Variants in DOCK8 observed in about 807,000 individuals in gnomAD.
The protein encoded by DOCK8 is dedicator of cytokinesis protein 8.
In DOCK8, 141 loss-of-function variants were observed where a neutral mutation model predicts 245.6. The ratio of observed to expected loss-of-function variants is 0.57; its 90% CI spans 0.50 to 0.66. The LOEUF is 0.66. DOCK8 is among the 30% of genes least tolerant of loss of function. The probability of loss-of-function intolerance (pLI) is 0.00; values close to 1 mark genes in which losing one functional copy is unlikely to be tolerated. For missense variants in DOCK8, 2,965 were observed against 2,603.4 expected (o/e 1.14, Z -3.02); for synonymous variants, 1,168 against 970.2 (o/e 1.20, Z -3.79).
chr9:328,323 A>G (rs2130827730), intron 9 of DOCK8, 152 bp downstream of exon 9: 3 of 1,115,400 alleles, frequency 2.7e-6, no homozygotes, highest in Non-Finnish European at 3.9e-6. Flanking sequence ...TTTCCGTTCT[A>G]AGTAAACTGT....
At chr9:312,226 C>G in intron 6 of DOCK8, 60 bp downstream of exon 6, 2 of 1,574,214 alleles carry the variant, frequency 1.3e-6, no homozygotes, top group Middle Eastern at 1.7e-4. Flanking sequence ...GTCATGTGGA[C>G]AATTGTGTTG....
intron 14 of DOCK8, among the ~76,000 whole-genome samples, chr9:347,429 C>G (rs1174246529): frequency 6.6e-6 from 1 of 152,114 alleles, no homozygotes; most frequent in Non-Finnish European, 1.5e-5. Flanking sequence ...TCGCTTGAGC[C>G]AGGAAGGTCG....
chr9:420,919 G>A, intron 31 of DOCK8, 30 bp from the exon 32 acceptor site: 4 of 1,614,124 alleles, frequency 2.5e-6, no homozygotes, highest in Non-Finnish European at 3.4e-6. Context: ...CTCACCAAAG[G>A]ACATGTCCTC....
intron 46 of DOCK8, among the ~76,000 whole-genome samples, chr9:462,572 C>G (rs556146611): frequency 6.6e-6 from 1 of 152,170 alleles, no homozygotes; most frequent in Non-Finnish European, 1.5e-5. Context: ...GCTTTGAAGC[C>G]CCTTCCCCTC....
intron 1 of DOCK8, among the ~76,000 whole-genome samples, chr9:254,724 G>A (rs530297469): frequency 1.3e-5 from 2 of 152,314 alleles, no homozygotes; most frequent in East Asian, 3.9e-4. Flanking sequence ...TGAGCACCAA[G>A]TATGCATCAC....
At chr9:286,141 T>C (rs1429171716) in intron 2 of DOCK8, among the ~76,000 whole-genome samples, 1 of 152,200 alleles carries the variant, frequency 6.6e-6, no homozygotes, top group Non-Finnish European at 1.5e-5. Flanking sequence ...GGAGAAATTA[T>C]AAAAATTCAG....
chr9:263,276 A>G (rs375772840), intron 1 of DOCK8, among the ~76,000 whole-genome samples: 53 of 148,818 alleles, frequency 3.6e-4, no homozygotes, highest in African/African-American at 1.2e-3. Flanking sequence ...TTTTTTTTCC[A>G]TTTTGCCCAC....
rs916238119 is a variant in DOCK8 at position 446,613 on chromosome 9, C to T, written c.5817+7C>T. ...CGTCATCCAGAAGGAGGAGGTAATG[C>T]ACCCAAGGGATTGGCCACCACTGGA... On this transcript the variant is annotated splice_region_variant and intron_variant, in intron 44 of 47. Transcript: ENST00000432829. 2.5e-6 allele frequency: 4 copies of T among 1,613,578 alleles called. No homozygotes were observed. The highest frequency in any genetic ancestry group is 1.1e-5 in the South Asian group (1 of 91,072).
At chr9:262,996 C>T (rs1465538056) in intron 1 of DOCK8, among the ~76,000 whole-genome samples, 1 of 152,094 alleles carries the variant, frequency 6.6e-6, no homozygotes, top group African/African-American at 2.4e-5. Flanking sequence ...CACCTGAGGT[C>T]AGGAGTTGAA....
At chr9:390,234 G>T (rs916445088) in intron 23 of DOCK8, among the ~76,000 whole-genome samples, 2 of 152,098 alleles carry the variant, frequency 1.3e-5, no homozygotes, top group Admixed American at 1.3e-4. Context: ...CACTCCCTCA[G>T]ATGTGTCTGT....
chr9:383,025 T>A (rs1439203965), intron 22 of DOCK8, among the ~76,000 whole-genome samples: 1 of 152,010 alleles, frequency 6.6e-6, no homozygotes, highest in African/African-American at 2.4e-5. Context: ...CCTGGAAAGG[T>A]TGCCTTTAAT....
At chr9:442,454 G>C (rs2057122346) in intron 42 of DOCK8, among the ~76,000 whole-genome samples, 1 of 152,180 alleles carries the variant, frequency 6.6e-6, no homozygotes, top group South Asian at 2.1e-4. Flanking sequence ...CCATCCTTTA[G>C]GTATCACTGG....
At chr9:372,473 A>G (rs1232673159) in intron 18 of DOCK8, among the ~76,000 whole-genome samples, 187 bp downstream of exon 18, 1 of 152,202 alleles carries the variant, frequency 6.6e-6, no homozygotes, top group African/African-American at 2.4e-5. Context: ...ACCAAATCAG[A>G]ATGTTCAGTA....
chr9:246,959 G>C (rs1041151822), intron 1 of DOCK8, among the ~76,000 whole-genome samples: 1 of 152,010 alleles, frequency 6.6e-6, no homozygotes, highest in Non-Finnish European at 1.5e-5. Context: ...GTTCAAGGAA[G>C]TTAGATAAAG....
Position 289,590 on chromosome 9 carries a change from CTTT to C in DOCK8, c.404+14_404+16del, listed in dbSNP as rs727505303. ...CTAATCGTGAACCGGAAGTAAGTTA[CTTT>C]TTTTCCACTTTTTGTATATAAATAT... On this transcript the variant is annotated intron_variant, in intron 4 of 47. Transcript: ENST00000432829. 6.2e-7 allele frequency: 1 copy of C among 1,607,446 alleles called. No homozygotes were observed. The highest frequency in any genetic ancestry group is 1.8e-4 in the Middle Eastern group (1 of 5,580).
At chr9:214,802 G>C (rs567142998), upstream of DOCK8, 17 of 1,583,948 alleles carry the variant, frequency 1.1e-5, no homozygotes, top group East Asian at 1.2e-4. Flanking sequence ...CTCCGAGCTC[G>C]GACCCTCCCC....
intron 2 of DOCK8, chr9:273,074 C>G (rs201821657): frequency 4.1e-6 from 4 of 985,394 alleles, no homozygotes; most frequent in Non-Finnish European, 4.8e-6. Context: ...ACAATTTACG[C>G]GCCGTGTAAC....
chr9:367,222 A>G (rs527627884), intron 14 of DOCK8, among the ~76,000 whole-genome samples: 3 of 152,346 alleles, frequency 2.0e-5, no homozygotes, highest in African/African-American at 7.2e-5. Context: ...TGTTTCTTCA[A>G]GCCAGGAATA....
At chr9:370,656 GT>G (rs2053245764) in intron 16 of DOCK8, among the ~76,000 whole-genome samples, 1 of 152,216 alleles carries the variant, frequency 6.6e-6, no homozygotes, top group African/African-American at 2.4e-5. Context: ...TGCCCTGTGT[GT>G]CCCTGTCCGC....
Sources: gnomAD v4.1 joint callset for allele counts (sites outside exome capture counted in the v4.1 genomes callset) on GRCh38, gnomAD v4.1.1 for gene constraint, MANE v1.5 for transcripts, NCBI Gene and HGNC (gene_info 2026-07-23, HGNC 2026-07-21) for gene names.